Variants in NKAIN3 observed in about 807,000 individuals in gnomAD.
The protein encoded by NKAIN3 is sodium/potassium-transporting ATPase subunit beta-1-interacting protein 3.
NKAIN3 carries 25 observed loss-of-function variants against 30.2 expected under a neutral mutation model. That is an observed-to-expected ratio of 0.83 (90% CI 0.60 to 1.16). The LOEUF is 1.16. NKAIN3 is among the 50% of genes most tolerant of loss of function. The probability of loss-of-function intolerance (pLI) is 0.00; values close to 1 mark genes in which losing one functional copy is unlikely to be tolerated. For synonymous variants in NKAIN3, 91 were observed against 89.6 expected, an observed-to-expected ratio of 1.02 and a Z score of -0.09; for missense variants, 225 against 254.1, an observed-to-expected ratio of 0.89 and a Z score of 0.78.
intron 2 of NKAIN3, among the ~76,000 whole-genome samples, chr8:62,581,078 A>G (rs1810275654): frequency 6.7e-6 from 1 of 148,980 alleles, no homozygotes; most frequent in Admixed American, 6.7e-5. Flanking sequence ...ACTCCAGCCT[A>G]GGCAACAGAG....
chr8:62,806,464 C>T (rs895713458), intron 4 of NKAIN3, among the ~76,000 whole-genome samples: 12 of 152,174 alleles, frequency 7.9e-5, no homozygotes, highest in East Asian at 3.8e-4. Flanking sequence ...CCATGGAATA[C>T]TATGTAGCCA....
chr8:62,357,549 T>C (rs1816399066), intron 1 of NKAIN3, among the ~76,000 whole-genome samples: 1 of 152,164 alleles, frequency 6.6e-6, no homozygotes, highest in African/African-American at 2.4e-5. Context: ...TCTCTTTGTT[T>C]CCCCAAAAAT....
At chr8:62,531,286 A>G (rs1390975186) in intron 1 of NKAIN3, among the ~76,000 whole-genome samples, 2 of 152,130 alleles carry the variant, frequency 1.3e-5, no homozygotes, top group African/African-American at 4.8e-5. Flanking sequence ...TAAGAGTCTC[A>G]TGTTCTTTCC....
In NKAIN3 at chr8:62,494,549, G is replaced by C. The variant is rs547753081; in HGVS notation, c.55-84990G>C. 2.0e-5 allele frequency among the ~76,000 whole-genome samples: 3 copies of C among 152,236 alleles called. No individual in the cohort carries two copies. In the South Asian group the frequency reaches 6.2e-4, roughly 32 times the overall value. ...TGGCCTCACAGAATGAGTTGAGGAG[G>C]AGTCACTCTCCTCAATATTTTGGAA... is the stretch of plus-strand genomic sequence containing the variant. On this transcript the variant is annotated intron_variant, in intron 1 of 6. Coordinates refer to ENST00000623646, the MANE Select transcript of NKAIN3 (RefSeq NM_001304533.3).
intron 1 of NKAIN3, among the ~76,000 whole-genome samples, chr8:62,420,503 A>G (rs1804602303): frequency 6.6e-6 from 1 of 152,256 alleles, no homozygotes; most frequent in South Asian, 2.1e-4. Flanking sequence ...AAAATTTTGT[A>G]TTCCTTTCTG....
At chr8:62,485,526 T>C (rs1307216732) in intron 1 of NKAIN3, among the ~76,000 whole-genome samples, 2 of 152,212 alleles carry the variant, frequency 1.3e-5, no homozygotes, top group Non-Finnish European at 2.9e-5. Flanking sequence ...AAATTATATG[T>C]ATCTGGGGTC....
At position 62,859,508 on chromosome 8, in the gene NKAIN3, T is replaced by TAAAAAA. The variant is rs531859546; in HGVS notation, c.472-58937_472-58932dup. The stretch of plus-strand genomic sequence containing the variant: ...ACTTTTTCTATACTCTTACTTCAAC[T>TAAAAAA]AAAAAAAAAAAAACTTCATGGAAGT... On this transcript the variant is annotated intron_variant, in intron 4 of 6. Coordinates refer to ENST00000623646, the MANE Select transcript of NKAIN3 (RefSeq NM_001304533.3). Among the ~76,000 whole-genome samples, 11 of 60,436 alleles carry TAAAAAA rather than the reference T, an allele frequency of 1.8e-4. 3 individuals carry two copies. Among genetic ancestry groups the TAAAAAA allele is most frequent in the South Asian group, 1.8e-3 (2 of 1,106 alleles). 39.6% of individuals were successfully genotyped at this position (60,436 alleles called of 152,430 possible). A position where few individuals can be genotyped will look rare whatever the true frequency, so the allele number is the denominator to read the frequency against.
intron 4 of NKAIN3, among the ~76,000 whole-genome samples, chr8:62,777,699 C>T (rs997508131): frequency 6.6e-6 from 1 of 152,060 alleles, no homozygotes; most frequent in African/African-American, 2.4e-5. Flanking sequence ...GTTCCTGGTG[C>T]CTTATTTAGT....
intron 1 of NKAIN3, among the ~76,000 whole-genome samples, chr8:62,276,480 A>G (rs950922081): frequency 1.3e-5 from 2 of 152,238 alleles, no homozygotes; most frequent in Non-Finnish European, 2.9e-5. Flanking sequence ...ATATAGATCA[A>G]TTATTGTGCT....
chr8:62,633,746 G>T (rs578019360), intron 3 of NKAIN3, among the ~76,000 whole-genome samples: 136 of 152,218 alleles, frequency 8.9e-4, no homozygotes, highest in Non-Finnish European at 1.6e-3. Context: ...GAAGGCCAAC[G>T]TGTCTCACAC....
chr8:62,358,428 G>A (rs562308758), intron 1 of NKAIN3, among the ~76,000 whole-genome samples: 3 of 152,054 alleles, frequency 2.0e-5, no homozygotes, highest in East Asian at 1.9e-4. Flanking sequence ...AAAATGCTAC[G>A]TAAGCCAAAT....
chr8:62,329,976 A>G (rs1815284899), intron 1 of NKAIN3, among the ~76,000 whole-genome samples: 1 of 152,080 alleles, frequency 6.6e-6, no homozygotes, highest in Admixed American at 6.6e-5. Flanking sequence ...CCACTAAACC[A>G]AGGGTAGATA....
intron 4 of NKAIN3, among the ~76,000 whole-genome samples, chr8:62,846,515 A>G (rs1168753140): frequency 6.6e-6 from 1 of 151,924 alleles, no homozygotes; most frequent in Admixed American, 6.6e-5. Context: ...CATGTATGTT[A>G]TTCTGCCCCT....
chr8:62,703,388 G>T (rs900154663), intron 3 of NKAIN3, among the ~76,000 whole-genome samples: 6 of 151,838 alleles, frequency 4.0e-5, no homozygotes, highest in Non-Finnish European at 8.8e-5. Context: ...TTAAAGCTAG[G>T]CTTCTACATA....
intron 1 of NKAIN3, among the ~76,000 whole-genome samples, chr8:62,569,728 A>G (rs1809870380): frequency 1.3e-5 from 2 of 151,770 alleles, no homozygotes. Flanking sequence ...GTGAGTCAAG[A>G]TTGCAACACT....
intron 4 of NKAIN3, among the ~76,000 whole-genome samples, chr8:62,812,064 T>C (rs1563574410): frequency 6.6e-6 from 1 of 152,012 alleles, no homozygotes; most frequent in Non-Finnish European, 1.5e-5. Context: ...CATGGATATC[T>C]AATAGTTCCC....
chr8:62,635,002 C>G (rs2130279826), intron 3 of NKAIN3, among the ~76,000 whole-genome samples: 1 of 152,098 alleles, frequency 6.6e-6, no homozygotes, highest in South Asian at 2.1e-4. Flanking sequence ...CATAACAAGA[C>G]AAGAGAGAAC....
intron 1 of NKAIN3, among the ~76,000 whole-genome samples, chr8:62,551,060 C>A (rs1034465020): frequency 6.6e-6 from 1 of 152,098 alleles, no homozygotes. Flanking sequence ...GGCCTTGAAG[C>A]AGAGTAGAGA....
chr8:62,703,527 T>A (rs1814413328), intron 3 of NKAIN3, among the ~76,000 whole-genome samples: 1 of 152,210 alleles, frequency 6.6e-6, no homozygotes, highest in Non-Finnish European at 1.5e-5. Context: ...ACTTAGAAAT[T>A]AATTGCCAGT....
Sources: gnomAD v4.1 joint callset for allele counts (sites outside exome capture counted in the v4.1 genomes callset) on GRCh38, gnomAD v4.1.1 for gene constraint, MANE v1.5 for transcripts, NCBI Gene and HGNC (gene_info 2026-07-23, HGNC 2026-07-21) for gene names.